Variants in PPL observed in about 807,000 individuals in gnomAD.
PPL encodes the protein 190 kDa paraneoplastic pemphigus antigen.
In PPL, 198 loss-of-function variants were observed where a neutral mutation model predicts 194.4. The ratio of observed to expected loss-of-function variants is 1.02; its 90% CI spans 0.91 to 1.15. The LOEUF (loss-of-function observed/expected upper bound fraction) is 1.15. Ranked by LOEUF, PPL falls within the 50% of genes most tolerant of loss-of-function variation. PPL has a pLI of 0.00. For synonymous variants in PPL, 1,220 were observed against 972.4 expected, an observed-to-expected ratio of 1.25 and a Z score of -4.74; for missense variants, 2,885 against 2,294.8, an observed-to-expected ratio of 1.26 and a Z score of -5.25.
In PPL at chr16:4,895,355, T is replaced by C; in HGVS notation, c.1148A>G (p.Lys383Arg). 6.2e-7 allele frequency: 1 copy of C among 1,613,420 alleles called. No individual in the cohort carries two copies. Reference sequence around the variant, plus strand: ...GAGGGGCACCACCTGCTGGCCTCGCTTCTGCAGCCCCTGCACCACGTCCTC... The same window carrying C: ...GAGGGGCACCACCTGCTGGCCTCGCCTCTGCAGCCCCTGCACCACGTCCTC... The part of the protein sequence containing the change: ...KYEDVVQGLQ[K>R]RGQQVVPLKY... The change falls in exon 11 of 22, where the codon AAG becomes AGG. Residue 383 changes from lysine to arginine, a missense_variant. Transcript: ENST00000345988.
chr16:4,925,946 C>A (rs1568059323), intron 1 of PPL, among the ~76,000 whole-genome samples: 1 of 152,132 alleles, frequency 6.6e-6, no homozygotes, highest in Admixed American at 6.5e-5. Context: ...ACAATTAATC[C>A]CAGTGGTTGG....
intron 21 of PPL, among the ~76,000 whole-genome samples, chr16:4,886,839 G>A (rs565314508): frequency 2.6e-5 from 4 of 152,264 alleles, no homozygotes; most frequent in East Asian, 1.9e-4. Flanking sequence ...GGCTGGTCTC[G>A]AACTCCTGAC....
intron 19 of PPL, 47 bp from the exon 20 acceptor site, chr16:4,888,265 A>G: frequency 7.3e-7 from 1 of 1,375,868 alleles, no homozygotes; most frequent in Non-Finnish European, 1.0e-6. Flanking sequence ...AACAGCTGAG[A>G]AGAGACAGAC....
Position 4,920,757 on chromosome 16 carries a change from G to A in PPL, c.63-9808C>T, listed in dbSNP as rs79431800. ...ATTACAGGTGTCAACCACCATACTC[G>A]GCCTCAACTAATTTTTTAATTTTTT... On this transcript the variant is annotated intron_variant, in intron 1 of 21. Transcript: ENST00000345988. 9.4e-3 allele frequency among the ~76,000 whole-genome samples: 1,427 copies of A among 152,116 alleles called. 26 individuals carry two copies. Among genetic ancestry groups the A allele is most frequent in the African/African-American group, 0.029 (1,213 of 41,496 alleles).
intron 1 of PPL, among the ~76,000 whole-genome samples, chr16:4,932,523 C>T (rs1007534502): frequency 4.6e-5 from 7 of 151,838 alleles, no homozygotes; most frequent in African/African-American, 1.5e-4. Context: ...GATTCTCCTG[C>T]CTCAGCCTCC....
intron 12 of PPL, 43 bp downstream of exon 12, chr16:4,894,424 G>C: frequency 6.2e-7 from 1 of 1,605,056 alleles, no homozygotes; most frequent in East Asian, 2.2e-5. Flanking sequence ...GAAGCCCTGG[G>C]GGTGGGACTG....
chr16:4,936,034 C>T (rs376906667), intron 1 of PPL, among the ~76,000 whole-genome samples: 1 of 152,206 alleles, frequency 6.6e-6, no homozygotes, highest in Non-Finnish European at 1.5e-5. Context: ...GATTCCCACC[C>T]CCTCCGTCAA....
intron 8 of PPL, among the ~76,000 whole-genome samples, chr16:4,897,982 G>A (rs2088467461): frequency 6.6e-6 from 1 of 152,194 alleles, no homozygotes; most frequent in East Asian, 1.9e-4. Context: ...TGCCACATAC[G>A]GATGCCCAGG....
chr16:4,889,935 C>T (rs1286789735), intron 18 of PPL, among the ~76,000 whole-genome samples: 1 of 152,248 alleles, frequency 6.6e-6, no homozygotes, highest in South Asian at 2.1e-4. Context: ...AGCCAACCCA[C>T]GCCAAGTGTC....
At chr16:4,917,292 T>C (rs1291661358) in intron 1 of PPL, among the ~76,000 whole-genome samples, 1 of 152,194 alleles carries the variant, frequency 6.6e-6, no homozygotes, top group East Asian at 1.9e-4. Flanking sequence ...GATGAAAATA[T>C]AAACCAAACG....
intron 2 of PPL, among the ~76,000 whole-genome samples, chr16:4,908,155 C>G (rs1408712560): frequency 1.1e-5 from 1 of 90,646 alleles, no homozygotes. Context: ...GAGTGAGAGA[C>G]TGTCTCCAAA....
At position 4,893,363 on chromosome 16, in the gene PPL, A is replaced by G; in HGVS notation, c.1500T>C (p.Ser500=). The G allele has an allele frequency of 6.2e-7, 1 of 1,606,904 alleles. No homozygotes were observed. ...VLKTENPGDA[S]DLQGRQLLAG... ...CCAGCAGCTGCCGCCCCTGTAGGTC[A>G]GAGGCATCTGTGGAGGGAGGGAGGA... is the stretch of plus-strand genomic sequence containing the variant. The change falls in exon 14 of 22, where the codon TCT becomes TCC. Residue 500 remains serine, a synonymous_variant. Transcript: ENST00000345988.
chr16:4,899,946 G>A (rs1017860876), intron 6 of PPL, among the ~76,000 whole-genome samples: 14 of 152,174 alleles, frequency 9.2e-5, no homozygotes, highest in Admixed American at 3.3e-4. Flanking sequence ...CACGCCTGAT[G>A]AACTTCTGCA....
chr16:4,891,943 A>G lies in PPL; in HGVS notation c.1836T>C (p.Asp612=), dbSNP rs746981597. Residue 612 remains aspartate, a synonymous_variant, in exon 16 of 22, where the codon GAT becomes GAC. Transcript: ENST00000345988. The part of the protein sequence containing the change: ...QLLDLAQEKV[D]VANRLEKSLQ... ...GGCTCTTCTCCAGGCGGTTGGCCAC[A>G]TCAACCCTGAGAGCACCAATCAGGC... The G allele has an allele frequency of 1.2e-6, 2 of 1,612,676 alleles. No individual in the cohort carries two copies. Among genetic ancestry groups the G allele is most frequent in the Admixed American group, 3.3e-5 (2 of 59,956 alleles).
intron 1 of PPL, among the ~76,000 whole-genome samples, chr16:4,923,871 G>C (rs1171995364): frequency 6.6e-6 from 1 of 151,800 alleles, no homozygotes; most frequent in Non-Finnish European, 1.5e-5. Context: ...CACTGGTGGG[G>C]GCCTTGCCAG....
At position 4,895,264 on chromosome 16, in the gene PPL, C is replaced by T. The variant is rs1217160517; in HGVS notation, c.1239G>A (p.Glu413=). The part of the protein sequence containing the change: ...PVEALCDFEG[E]QGLISRGYSY... ...CAGAGGAGCTGGCCCCACGCACCTG[C>T]TCCCCCTCAAAGTCACAGAGTGCCT... The change falls in exon 11 of 22, where the codon GAG becomes GAA. Residue 413 remains glutamate (E), a synonymous_variant. Transcript: ENST00000345988. The T allele has an allele frequency of 6.2e-7, 1 of 1,602,274 alleles. No individual in the cohort carries two copies. The highest frequency in any genetic ancestry group is 1.7e-5 in the Admixed American group (1 of 57,688).
intron 1 of PPL, among the ~76,000 whole-genome samples, chr16:4,927,026 C>A (rs1325593960): frequency 6.6e-6 from 1 of 151,458 alleles, no homozygotes; most frequent in East Asian, 1.9e-4. Context: ...AGGAAAAGAG[C>A]AAAATGGAAA....
At chr16:4,925,848 G>C (rs1439023068) in intron 1 of PPL, among the ~76,000 whole-genome samples, 1 of 152,212 alleles carries the variant, frequency 6.6e-6, no homozygotes, top group Non-Finnish European at 1.5e-5. Flanking sequence ...AAAGGGACAA[G>C]AGACATCGGA....
At chr16:4,901,892 A>T (rs1453842063) in intron 4 of PPL, among the ~76,000 whole-genome samples, 1 of 152,056 alleles carries the variant, frequency 6.6e-6, no homozygotes, top group Non-Finnish European at 1.5e-5. Context: ...GTGAGCCATG[A>T]TCATGCCACT....
Sources: gnomAD v4.1 joint callset for allele counts (sites outside exome capture counted in the v4.1 genomes callset) on GRCh38, gnomAD v4.1.1 for gene constraint, MANE v1.5 for transcripts, NCBI Gene and HGNC (gene_info 2026-07-23, HGNC 2026-07-21) for gene names.